Variants in PIK3R6 observed in about 807,000 individuals in gnomAD.
PIK3R6 encodes phosphoinositide 3-kinase regulatory subunit 6.
Under a neutral mutation model 84.9 loss-of-function variants are expected in PIK3R6, and 91 were observed. The observed-to-expected ratio is 1.07, with a 90% CI of 0.90 to 1.28. The LOEUF is 1.28. Ranked by LOEUF, PIK3R6 falls within the 50% of genes most tolerant of loss-of-function variation. PIK3R6 has a pLI of 0.00. For missense variants in PIK3R6, 996 were observed against 985.1 expected, an observed-to-expected ratio of 1.01 and a Z score of -0.15; for synonymous variants, 416 against 411.4, an observed-to-expected ratio of 1.01 and a Z score of -0.13.
rs117381652 is a variant in PIK3R6 at position 8,808,025 on chromosome 17, A to G, written c.1996-3872T>C. On this transcript the variant is annotated intron_variant, in intron 18 of 19. Transcript: ENST00000619866. ...AGGGACAGTTGGCCAACCAAGCTGG[A>G]CCAGAATAGAGAGGACAAAGAAGGG... is the stretch of plus-strand genomic sequence containing the variant. Among the ~76,000 whole-genome samples, 396 of 152,214 alleles carry G rather than the reference A, an allele frequency of 2.6e-3. 1 individual carries two copies. The highest frequency in any genetic ancestry group is 3.9e-3 in the Non-Finnish European group (262 of 68,006).
In PIK3R6 at chr17:8,803,639, A is replaced by G; in HGVS notation, c.2109-210T>C. ...GGGAGAGGAGACACTTGGAGCAAGTAACTCTGCGCATGCCTCCCTTACCCA... is the reference window on the plus strand; with the variant it reads ...GGGAGAGGAGACACTTGGAGCAAGTGACTCTGCGCATGCCTCCCTTACCCA... On this transcript the variant is annotated intron_variant, in intron 19 of 19. Coordinates refer to ENST00000619866, the MANE Select transcript of PIK3R6 (RefSeq NM_001010855.4). This position sits in a 1 kb window ranked among gnomAD's most constrained non-coding sequence, Gnocchi z 5.0. The G allele has an allele frequency of 1.7e-6, 1 of 574,566 alleles. No homozygotes were observed. The highest frequency in any genetic ancestry group is 3.0e-6 in the Non-Finnish European group (1 of 329,222). The allele number at this position is 574,566 out of a possible 1,614,324, so 35.6% of individuals were successfully genotyped here.
At chr17:8,832,816 T>C in intron 9 of PIK3R6, 73 bp downstream of exon 9, 11 of 1,602,082 alleles carry the variant, frequency 6.9e-6, no homozygotes, top group Non-Finnish European at 9.4e-6. Flanking sequence ...CGCTGCTCTC[T>C]GGCGCCCCCT....
rs568443865 is a variant in PIK3R6 at position 8,862,594 on chromosome 17, C to T, written c.-92+4935G>A. On this transcript the variant is annotated intron_variant, in intron 1 of 19. Coordinates refer to ENST00000619866, the MANE Select transcript of PIK3R6 (RefSeq NM_001010855.4). The surrounding 1 kb of genome is among the most constrained non-coding windows in gnomAD (Gnocchi z 4.3). ...GGCTGATCTTTCTCGGGCCGTATCA[C>T]GGACAGCTAAGGCTGCAATGTTTGA... Among the ~76,000 whole-genome samples, 2 of 152,264 alleles carry T rather than the reference C, an allele frequency of 1.3e-5. No homozygotes were observed. The highest frequency in any genetic ancestry group is 4.1e-4 in the South Asian group (2 of 4,822).
intron 8 of PIK3R6, among the ~76,000 whole-genome samples, chr17:8,834,139 A>G (rs1187163546): frequency 6.9e-6 from 1 of 145,810 alleles, no homozygotes; most frequent in Non-Finnish European, 1.5e-5. Flanking sequence ...CCTGGGCAAC[A>G]GAGCAAGACT....
chr17:8,863,539 G>A (rs904982318), intron 1 of PIK3R6, among the ~76,000 whole-genome samples: 3 of 151,878 alleles, frequency 2.0e-5, no homozygotes, highest in Admixed American at 1.3e-4. Context: ...GTGTGTGTGT[G>A]TGTGTTTTTT....
At chr17:8,845,232 C>T (rs2088789248) in intron 2 of PIK3R6, among the ~76,000 whole-genome samples, 1 of 152,152 alleles carries the variant, frequency 6.6e-6, no homozygotes, top group Admixed American at 6.5e-5. Context: ...GTTTTAAGTT[C>T]TTTGTGAAAT....
intron 9 of PIK3R6, 42 bp downstream of exon 9, chr17:8,832,847 C>G (rs1195640361): frequency 6.2e-7 from 1 of 1,610,992 alleles, no homozygotes; most frequent in South Asian, 1.1e-5. Flanking sequence ...GAGCTGCCCC[C>G]GCGGGACTCT....
At chr17:8,836,712 G>C in intron 6 of PIK3R6, 79 bp downstream of exon 6, 1 of 1,610,346 alleles carries the variant, frequency 6.2e-7, no homozygotes, top group Non-Finnish European at 8.5e-7. Flanking sequence ...GAGCTCCCCG[G>C]TATCCTGGAG....
chr17:8,813,586 T>C (rs1014173528), intron 18 of PIK3R6, among the ~76,000 whole-genome samples: 16 of 152,170 alleles, frequency 1.1e-4, no homozygotes, highest in Non-Finnish European at 2.4e-4. Flanking sequence ...ATTCCAACAA[T>C]GCAAGGTTGG....
At chr17:8,835,234 G>C in intron 8 of PIK3R6, 39 bp downstream of exon 8, 1 of 1,459,182 alleles carries the variant, frequency 6.9e-7, no homozygotes, top group Non-Finnish European at 9.1e-7. Flanking sequence ...GCAGGGACGA[G>C]GGCTGGGACT....
intron 18 of PIK3R6, among the ~76,000 whole-genome samples, chr17:8,812,864 C>T (rs2087398548): frequency 3.3e-5 from 5 of 152,020 alleles, no homozygotes; most frequent in Admixed American, 1.3e-4. Context: ...GAACAAACCA[C>T]ACCCTAAGCT....
In PIK3R6 at chr17:8,839,479, C is replaced by G; in HGVS notation, c.97+135G>C. 1 of 604,542 alleles carries G rather than the reference C, an allele frequency of 1.7e-6. No individual in the cohort carries two copies. The highest frequency in any genetic ancestry group is 2.8e-6 in the Non-Finnish European group (1 of 352,964). 37.4% of individuals were successfully genotyped at this position (604,542 alleles called of 1,614,324 possible). A position where few individuals can be genotyped will look rare whatever the true frequency, so the allele number is the denominator to read the frequency against. On this transcript the variant is annotated intron_variant, in intron 3 of 19. Coordinates refer to ENST00000619866, the MANE Select transcript of PIK3R6 (RefSeq NM_001010855.4). This position sits in a 1 kb window ranked among gnomAD's most constrained non-coding sequence, Gnocchi z 4.2. ...TCCTTCAGGCTCTAGGTATTTCCAG[C>G]AGGAAAGGGGTTTGGTGAGACGACC...
At chr17:8,830,647 A>T (rs2088201853) in intron 9 of PIK3R6, among the ~76,000 whole-genome samples, 1 of 152,132 alleles carries the variant, frequency 6.6e-6, no homozygotes, top group Non-Finnish European at 1.5e-5. Flanking sequence ...ATTATCCTCA[A>T]TTTACAGGGG....
intron 8 of PIK3R6, among the ~76,000 whole-genome samples, chr17:8,834,207 C>T (rs888709239): frequency 2.7e-5 from 4 of 146,482 alleles, no homozygotes; most frequent in South Asian, 4.5e-4. Flanking sequence ...TCTAAGAGAA[C>T]GTTCCAAGCA....
intron 9 of PIK3R6, among the ~76,000 whole-genome samples, chr17:8,830,551 C>T (rs1347174670): frequency 2.0e-5 from 3 of 152,216 alleles, no homozygotes; most frequent in Non-Finnish European, 4.4e-5. Context: ...GCACCTACTG[C>T]CTGCCAGGCC....
chr17:8,850,658 G>A (rs1010642055), intron 1 of PIK3R6, among the ~76,000 whole-genome samples: 1 of 152,132 alleles, frequency 6.6e-6, no homozygotes, highest in Admixed American at 6.6e-5. Context: ...TGACTAGAAC[G>A]CAGAGGAACT....
At chr17:8,821,739 T>C in intron 17 of PIK3R6, 107 bp downstream of exon 17, 1 of 1,236,228 alleles carries the variant, frequency 8.1e-7, no homozygotes, top group Non-Finnish European at 1.1e-6. Flanking sequence ...CTGGCTCCAG[T>C]TCCGTGACTG....
chr17:8,824,743 A>G (rs1343181526), intron 13 of PIK3R6, among the ~76,000 whole-genome samples: 1 of 152,252 alleles, frequency 6.6e-6, no homozygotes, highest in Non-Finnish European at 1.5e-5. Context: ...CCACTGTAAT[A>G]GCATCCAAGT....
At chr17:8,851,589 TC>T (rs777945215) in intron 1 of PIK3R6, among the ~76,000 whole-genome samples, 1 of 152,002 alleles carries the variant, frequency 6.6e-6, no homozygotes, top group African/African-American at 2.4e-5. Flanking sequence ...TTGTTTGGAG[TC>T]CCCCTGCTTT....
Sources: gnomAD v4.1 joint callset for allele counts (sites outside exome capture counted in the v4.1 genomes callset) on GRCh38, gnomAD v4.1.1 for gene constraint, Gnocchi (gnomAD v3.1) non-coding constraint, MANE v1.5 for transcripts, NCBI Gene and HGNC (gene_info 2026-07-23, HGNC 2026-07-21) for gene names.